Variants in CEP192 observed in about 807,000 individuals in gnomAD.
The protein encoded by CEP192 is centrosomal protein 192.
Under a neutral mutation model 271.8 loss-of-function variants are expected in CEP192, and 151 were observed. The ratio of observed to expected loss-of-function variants is 0.56; its 90% CI spans 0.49 to 0.64. The LOEUF (loss-of-function observed/expected upper bound fraction) is 0.64. Ranked by LOEUF, CEP192 falls within the 30% of genes least tolerant of loss-of-function variation. CEP192 has a pLI of 0.00. For synonymous variants in CEP192, 995 were observed against 1,076.5 expected, an observed-to-expected ratio of 0.92 and a Z score of 1.48; for missense variants, 2,910 against 3,020.5, an observed-to-expected ratio of 0.96 and a Z score of 0.86.
rs530388333 is a variant in CEP192 at position 13,008,622 on chromosome 18, C to G, written c.457C>G (p.Gln153Glu). The change falls in exon 4 of 45, where the codon CAA becomes GAA. Residue 153 changes from glutamine to glutamate, a missense_variant. Transcript: ENST00000506447. ...CTTCAACAGGGCTTCACCACTGGAA[C>G]AAGCACAAGGTACTGAACTATTTGA... ...DLFNRASPLE[Q>E]AQDSPIDFHL... The G allele has an allele frequency of 8.4e-5, 130 of 1,548,222 alleles. No individual in the cohort carries two copies. The highest frequency in any genetic ancestry group is 3.8e-4 in the South Asian group (32 of 83,480).
intron 41 of CEP192, 103 bp from the exon 42 acceptor site, chr18:13,114,027 T>C: frequency 7.3e-7 from 1 of 1,370,642 alleles, no homozygotes; most frequent in Non-Finnish European, 9.9e-7. Context: ...TAAATTGCCT[T>C]TTAAAAATTT....
intron 11 of CEP192, among the ~76,000 whole-genome samples, chr18:13,032,256 CAG>C: frequency 6.6e-6 from 1 of 152,156 alleles, no homozygotes. Flanking sequence ...GGCTGGATTT[CAG>C]GGGATAGTAG....
chr18:13,069,252 G>A, intron 26 of CEP192, 71 bp downstream of exon 26: 6 of 1,297,478 alleles, frequency 4.6e-6, no homozygotes, highest in Non-Finnish European at 5.6e-6. Context: ...CTTTCTGCAG[G>A]CTGTTGTGCT....
intron 26 of CEP192, 149 bp from the exon 27 acceptor site, chr18:13,069,589 A>G: frequency 3.2e-6 from 2 of 634,304 alleles, no homozygotes; most frequent in Non-Finnish European, 2.8e-6. Context: ...CCTTTCCAAG[A>G]GAATAGGACA....
At chr18:13,108,466 A>T (rs989840044) in intron 40 of CEP192, among the ~76,000 whole-genome samples, 1 of 152,182 alleles carries the variant, frequency 6.6e-6, no homozygotes, top group Non-Finnish European at 1.5e-5. Flanking sequence ...CAAGCCCAAA[A>T]CAAACCACCC....
intron 30 of CEP192, among the ~76,000 whole-genome samples, chr18:13,082,313 G>A (rs2038655146): frequency 6.6e-6 from 1 of 152,004 alleles, no homozygotes; most frequent in Non-Finnish European, 1.5e-5. Context: ...TATATATTTA[G>A]GATAGTTAGC....
intron 15 of CEP192, among the ~76,000 whole-genome samples, chr18:13,046,801 T>G (rs191517507): frequency 2.4e-4 from 36 of 151,852 alleles, no homozygotes; most frequent in African/African-American, 7.2e-4. Flanking sequence ...TCATCTGAGA[T>G]TAGTTTTCTT....
chr18:13,001,599 A>G lies in CEP192; in HGVS notation c.290+17A>G. The G allele has an allele frequency of 6.5e-7, 1 of 1,540,524 alleles. No homozygotes were observed. The highest frequency in any genetic ancestry group is 2.5e-5 in the East Asian group (1 of 40,786). On this transcript the variant is annotated intron_variant, in intron 3 of 44. Transcript: ENST00000506447. The stretch of plus-strand genomic sequence containing the variant: ...GGATGATGAGTAAGTTCATACCTTC[A>G]TTTGCTTGTACTGTGTTAAAAGTGG...
At chr18:13,002,737 T>C (rs915517357) in intron 3 of CEP192, among the ~76,000 whole-genome samples, 2 of 152,170 alleles carry the variant, frequency 1.3e-5, no homozygotes, top group Non-Finnish European at 2.9e-5. Flanking sequence ...AGTCTGGAAG[T>C]CTAAAAAACC....
chr18:13,011,226 C>CAAA (rs200151034), intron 4 of CEP192, among the ~76,000 whole-genome samples: 1 of 130,076 alleles, frequency 7.7e-6, no homozygotes, highest in African/African-American at 2.8e-5. Context: ...GACTCTGTCT[C>CAAA]AAAAAAAAAA....
At chr18:13,006,484 A>G (rs2033988644) in intron 3 of CEP192, among the ~76,000 whole-genome samples, 1 of 152,230 alleles carries the variant, frequency 6.6e-6, no homozygotes, top group African/African-American at 2.4e-5. Flanking sequence ...TCCCGGAACC[A>G]GTCCCCCATG....
intron 1 of CEP192, among the ~76,000 whole-genome samples, chr18:12,993,258 G>A (rs1278219680): frequency 6.6e-6 from 1 of 152,150 alleles, no homozygotes; most frequent in East Asian, 1.9e-4. Flanking sequence ...CGGCGGGAAT[G>A]AATGGAGGAA....
At chr18:13,088,927 C>G (rs745853716) in intron 32 of CEP192, 10 of 443,184 alleles carry the variant, frequency 2.3e-5, no homozygotes, top group Middle Eastern at 3.3e-4. Context: ...TTTTTTTTCT[C>G]TCAATTGGGA....
chr18:13,024,137 A>G (rs1457648298), intron 9 of CEP192, among the ~76,000 whole-genome samples: 1 of 152,120 alleles, frequency 6.6e-6, no homozygotes, highest in African/African-American at 2.4e-5. Flanking sequence ...TTGTAGTTCT[A>G]TTAGTTTTTA....
chr18:13,000,567 C>T, intron 2 of CEP192: 1 of 152,220 alleles, frequency 6.6e-6, no homozygotes, highest in East Asian at 1.9e-4. Context: ...TTCTCTTTCT[C>T]TTCCAGCTTT....
At chr18:13,055,477 A>C (rs1200633000) in intron 18 of CEP192, among the ~76,000 whole-genome samples, 3 of 152,174 alleles carry the variant, frequency 2.0e-5, no homozygotes, top group Non-Finnish European at 4.4e-5. Flanking sequence ...GAAATCCCTT[A>C]AATCTTCAAA....
At chr18:13,107,897 A>T (rs1940546871) in intron 40 of CEP192, among the ~76,000 whole-genome samples, 1 of 151,936 alleles carries the variant, frequency 6.6e-6, no homozygotes, top group Non-Finnish European at 1.5e-5. Flanking sequence ...AAAAAAAAAA[A>T]AATACTATAA....
chr18:13,094,825 C>G (rs559340586), intron 34 of CEP192, among the ~76,000 whole-genome samples: 117 of 152,102 alleles, frequency 7.7e-4, no homozygotes, highest in African/African-American at 2.6e-3. Context: ...TCTAACACCA[C>G]AGTGCCTTTC....
intron 44 of CEP192, among the ~76,000 whole-genome samples, chr18:13,124,114 C>A (rs150864405): frequency 6.6e-6 from 1 of 152,140 alleles, no homozygotes; most frequent in East Asian, 1.9e-4. Context: ...GAGTCAAGAT[C>A]ATGCCATTAC....
Sources: gnomAD v4.1 joint callset for allele counts (sites outside exome capture counted in the v4.1 genomes callset) on GRCh38, gnomAD v4.1.1 for gene constraint, MANE v1.5 for transcripts, NCBI Gene and HGNC (gene_info 2026-07-23, HGNC 2026-07-21) for gene names.